The following CCNI variants were observed in gnomAD, a reference collection of about 807,000 sequenced individuals.
The protein encoded by CCNI is cyclin I.
A neutral mutation model predicts 34.1 loss-of-function variants in CCNI; 14 were observed. The ratio of observed to expected loss-of-function variants is 0.41; its 90% CI spans 0.27 to 0.64. CCNI has a LOEUF of 0.64. CCNI is among the 30% of genes least tolerant of loss of function. CCNI has a pLI of 0.31. For synonymous variants in CCNI, 154 were observed against 158.4 expected (o/e 0.97, Z 0.21); for missense variants, 385 against 440.5 (o/e 0.87, Z 1.13).
intron 1 of CCNI, 136 bp downstream of exon 1, chr4:77,075,336 A>G (rs1236032423): frequency 1.2e-5 from 2 of 167,690 alleles, no homozygotes; most frequent in African/African-American, 2.5e-5. Context: ...GGGATGCGGG[A>G]GGGTGGGTCT....
At chr4:77,065,553 C>T (rs1728971927) in intron 2 of CCNI, among the ~76,000 whole-genome samples, 1 of 152,164 alleles carries the variant, frequency 6.6e-6, no homozygotes, top group Non-Finnish European at 1.5e-5. Flanking sequence ...ACATGAACTC[C>T]TTACCGCTAA....
At chr4:77,060,470 C>T (rs575289407) in intron 2 of CCNI, among the ~76,000 whole-genome samples, 1 of 152,164 alleles carries the variant, frequency 6.6e-6, no homozygotes, top group East Asian at 1.9e-4. Flanking sequence ...ATTCCATATA[C>T]TTTTTGAGAC....
In CCNI at chr4:77,075,584, G is replaced by C; in HGVS notation, c.-156C>G. Reference sequence around the variant, plus strand: ...CACCTCATTCTCATAGGCGCGCGGAGGCGGTGCGCGCGGGACGACTCGGCC... The same window carrying C: ...CACCTCATTCTCATAGGCGCGCGGACGCGGTGCGCGCGGGACGACTCGGCC... On this transcript the variant is annotated 5_prime_UTR_variant, in exon 1 of 7. Coordinates refer to ENST00000237654, the MANE Select transcript of CCNI (RefSeq NM_006835.3). 3.0e-6 allele frequency: 3 copies of C among 988,258 alleles called. No homozygotes were observed. Among genetic ancestry groups the C allele is most frequent in the Non-Finnish European group, 3.6e-6 (3 of 830,468 alleles). 61.2% of individuals were successfully genotyped at this position (988,258 alleles called of 1,614,324 possible). A position where few individuals can be genotyped will look rare whatever the true frequency, so the allele number is the denominator to read the frequency against.
Position 77,056,238 on chromosome 4 carries a change from G to C in CCNI, c.318+11C>G, listed in dbSNP as rs4252897. The C allele has an allele frequency of 0.024, 38,746 of 1,608,376 alleles. 579 individuals carry two copies. The highest frequency in any genetic ancestry group is 0.072 in the East Asian group (3,217 of 44,802). On this transcript the variant is annotated intron_variant, in intron 4 of 6. Coordinates refer to ENST00000237654, the MANE Select transcript of CCNI (RefSeq NM_006835.3). Reference sequence around the variant, plus strand: ...TCACGGAAGAAACATTATCTTGAAAGGATTTATTACCTCATCTTCCTCAAC... The same window carrying C: ...TCACGGAAGAAACATTATCTTGAAACGATTTATTACCTCATCTTCCTCAAC...
At chr4:77,073,994 CCTT>C (rs565718606) in intron 1 of CCNI, among the ~76,000 whole-genome samples, 123 of 141,492 alleles carry the variant, frequency 8.7e-4, no homozygotes, top group East Asian at 2.9e-3. Flanking sequence ...TGTGGAAAGC[CCTT>C]TTTTTCTAGT....
chr4:77,074,747 A>G (rs78963201), intron 1 of CCNI: 1 of 152,308 alleles, frequency 6.6e-6, no homozygotes, highest in African/African-American at 2.4e-5. Flanking sequence ...ATAAAACATA[A>G]ACATTTTAGT....
At chr4:77,064,712 C>G (rs1428655926) in intron 2 of CCNI, 1 of 149,866 alleles carries the variant, frequency 6.7e-6, no homozygotes, top group Non-Finnish European at 1.5e-5. Flanking sequence ...GTCTCACTTA[C>G]CCTGTCGTTC....
chr4:77,048,352 T>C lies in CCNI; in HGVS notation c.1001A>G (p.Tyr334Cys), dbSNP rs139547927. ...ATTATAGAGCCGTTTGATTCCATCA[T>C]AGAAGTCATCCACTTCCATTTCCTC... is the stretch of plus-strand genomic sequence containing the variant. Reference protein sequence around the residue: ...KVEEMEVDDFYDGIKRLYNED... With the variant: ...KVEEMEVDDFCDGIKRLYNED... The change falls in exon 7 of 7, where the codon TAT becomes TGT. Residue 334 changes from tyrosine (Y) to cysteine (C), a missense_variant. This residue lies in a region of CCNI where 250 missense variants were observed against 248.7 expected (regional missense o/e 1.01). Coordinates refer to ENST00000237654, the MANE Select transcript of CCNI (RefSeq NM_006835.3). The C allele has an allele frequency of 1.4e-4, 219 of 1,608,662 alleles. No individual in the cohort carries two copies. Among genetic ancestry groups the C allele is most frequent in the Non-Finnish European group, 1.7e-4 (203 of 1,176,852 alleles).
In CCNI at chr4:77,063,549, G is replaced by C. The variant is rs574000591; in HGVS notation, c.114+2700C>G. On this transcript the variant is annotated intron_variant, in intron 2 of 6. Transcript: ENST00000237654. ...CTAAAAAATACAAAAAATTAGCCGG[G>C]CGTTGTGGCGGGCGCCTGTAGTCCC... 9.1e-4 allele frequency among the ~76,000 whole-genome samples: 139 copies of C among 152,064 alleles called. 3 individuals are homozygous for C. In the South Asian group the frequency reaches 0.016, roughly 18 times the overall value.
intron 1 of CCNI, among the ~76,000 whole-genome samples, chr4:77,069,598 C>T (rs968269251): frequency 9.4e-6 from 1 of 106,692 alleles, no homozygotes; most frequent in Non-Finnish European, 1.8e-5. Context: ...CCTCCCCCCA[C>T]CCCACAACAG....
At chr4:77,073,136 T>C (rs4252787) in intron 1 of CCNI, among the ~76,000 whole-genome samples, 2,371 of 152,358 alleles carry the variant, frequency 0.016, 60 homozygotes, top group African/African-American at 0.053. Context: ...TTTGCATGCT[T>C]TTTTAGAAAA....
Position 77,048,261 on chromosome 4 carries a change from A to G in CCNI, c.1092T>C (p.His364=). 1.2e-6 allele frequency: 2 copies of G among 1,614,144 alleles called. No individual in the cohort carries two copies. Among genetic ancestry groups the G allele is most frequent in the Non-Finnish European group, 1.7e-6 (2 of 1,180,000 alleles). Reference sequence around the variant, plus strand: ...GCTGCAAAGGTGGACAAGGGGAAGCATGTCCCTCTTGTCTTGATAAATCAG... The same window carrying G: ...GCTGCAAAGGTGGACAAGGGGAAGCGTGTCCCTCTTGTCTTGATAAATCAG... ...CGTDLSRQEG[H]ASPCPPLQPV... The change falls in exon 7 of 7, where the codon CAT becomes CAC. Residue 364 remains histidine (H), a synonymous_variant. Coordinates refer to ENST00000237654, the MANE Select transcript of CCNI (RefSeq NM_006835.3).
At chr4:77,064,391 G>A (rs1728860230) in intron 2 of CCNI, among the ~76,000 whole-genome samples, 1 of 152,134 alleles carries the variant, frequency 6.6e-6, no homozygotes, top group Admixed American at 6.5e-5. Context: ...GAGGAGGAAA[G>A]GAATGGTCCT....
Position 77,047,940 on chromosome 4 carries a change from GA to G in CCNI, c.*278del. On this transcript the variant is annotated 3_prime_UTR_variant, in exon 7 of 7. Coordinates refer to ENST00000237654, the MANE Select transcript of CCNI (RefSeq NM_006835.3). ...GGGCAAGCTACGTTACATTATGGCA[GA>G]AAAAAAGTGCAACTGACATACTACA... The G allele has an allele frequency of 3.6e-6, 1 of 275,804 alleles. No individual in the cohort carries two copies. The highest frequency in any genetic ancestry group is 6.8e-6 in the Non-Finnish European group (1 of 146,286). 17.1% of individuals were successfully genotyped at this position (275,804 alleles called of 1,614,324 possible). A position where few individuals can be genotyped will look rare whatever the true frequency, so the allele number is the denominator to read the frequency against.
At chr4:77,052,328 T>G (rs561289180) in intron 6 of CCNI, among the ~76,000 whole-genome samples, 1 of 152,290 alleles carries the variant, frequency 6.6e-6, no homozygotes, top group African/African-American at 2.4e-5. Flanking sequence ...ACTCTAGTTT[T>G]AAACTAGAAC....
chr4:77,051,771 CTAATTA>C (rs1391271496), intron 6 of CCNI, among the ~76,000 whole-genome samples: 1 of 152,076 alleles, frequency 6.6e-6, no homozygotes, highest in Non-Finnish European at 1.5e-5. Flanking sequence ...TAAATGAACT[CTAATTA>C]TAAGGTGTCA....
At chr4:77,075,414 C>T (rs1195713231) in intron 1 of CCNI, 58 bp downstream of exon 1, 3 of 742,504 alleles carry the variant, frequency 4.0e-6, no homozygotes, top group Non-Finnish European at 3.3e-6. Context: ...GGGGCCCCAG[C>T]GCGTCGACGC....
chr4:77,073,292 T>C lies in CCNI; in HGVS notation c.-44+2180A>G, dbSNP rs527856708. Among the ~76,000 whole-genome samples, 15 of 152,342 alleles carry C rather than the reference T, an allele frequency of 9.8e-5. 1 individual carries two copies. In the East Asian group the frequency reaches 1.7e-3, roughly 18 times the overall value. On this transcript the variant is annotated intron_variant, in intron 1 of 6. Transcript: ENST00000237654. ...TCAAATAGCTTAATGTCTGAGGTAATAGTTTATAAAAGGCTTACTGTACAG... is the reference window on the plus strand; with the variant it reads ...TCAAATAGCTTAATGTCTGAGGTAACAGTTTATAAAAGGCTTACTGTACAG...
rs1452808972 is a variant in CCNI, at chr4:77,069,176, G to A, written c.-43-2771C>T. The stretch of plus-strand genomic sequence containing the variant: ...TCCGGCCTGTAATCCTTGCACTTTC[G>A]AAGGCTGAGGAGGACAGATTGCTTG... On this transcript the variant is annotated intron_variant, in intron 1 of 6. Transcript: ENST00000237654. Among the ~76,000 whole-genome samples, 7 of 152,294 alleles carry A rather than the reference G, an allele frequency of 4.6e-5. No individual in the cohort carries two copies. In the East Asian group the frequency reaches 1.2e-3, roughly 25 times the overall value.
Sources: allele counts gnomAD v4.1 joint callset (sites outside exome capture counted in the v4.1 genomes callset), GRCh38; gene constraint gnomAD v4.1.1; regional missense constraint gnomAD v4.1.1; transcripts MANE v1.5; gene names NCBI Gene and HGNC (gene_info 2026-07-23, HGNC 2026-07-21).